Variants in OSBPL11 observed in about 807,000 individuals in gnomAD.
OSBPL11 encodes oxysterol-binding protein-related protein 11.
Under a neutral mutation model 84.4 loss-of-function variants are expected in OSBPL11, and 33 were observed. That is an observed-to-expected ratio of 0.39 (90% CI 0.30 to 0.52). The LOEUF (loss-of-function observed/expected upper bound fraction) is 0.52. Ranked by LOEUF, OSBPL11 falls within the 20% of genes least tolerant of loss-of-function variation. The probability of loss-of-function intolerance (pLI) is 0.72; values close to 1 mark genes in which losing one functional copy is unlikely to be tolerated. For missense variants in OSBPL11, 736 were observed against 901.1 expected, an observed-to-expected ratio of 0.82 and a Z score of 2.35; for synonymous variants, 276 against 310.2, an observed-to-expected ratio of 0.89 and a Z score of 1.16.
intron 5 of OSBPL11, among the ~76,000 whole-genome samples, chr3:125,573,872 CAAA>C (rs35902125): frequency 4.6e-5 from 2 of 43,520 alleles, no homozygotes; most frequent in East Asian, 9.1e-4. Flanking sequence ...AACTCCGTCT[CAAA>C]AAAAAAAAAA....
intron 11 of OSBPL11, among the ~76,000 whole-genome samples, chr3:125,532,821 G>A (rs2107585317): frequency 1.9e-5 from 1 of 51,658 alleles, no homozygotes; most frequent in South Asian, 5.4e-4. Flanking sequence ...GGCAAAATGT[G>A]ATATATCCAT....
At chr3:125,550,353 C>T (rs914810260) in intron 9 of OSBPL11, among the ~76,000 whole-genome samples, 17 of 143,998 alleles carry the variant, frequency 1.2e-4, no homozygotes, top group African/African-American at 2.4e-4. Flanking sequence ...TCAACCTGGG[C>T]GACACAGCTA....
At chr3:125,540,322 C>T (rs1935710145) in intron 10 of OSBPL11, among the ~76,000 whole-genome samples, 1 of 84,324 alleles carries the variant, frequency 1.2e-5, no homozygotes, top group Admixed American at 1.4e-4. Context: ...GAGGATGGCT[C>T]TGTCTCAAAA....
At position 125,528,911 on chromosome 3, in the gene OSBPL11, A is replaced by G. The variant is rs1935515522; in HGVS notation, c.*1604T>C. ...CAATTTTCCCAACACAGGAACTATA[A>G]CTCATTTTGAGGATTTTTTTCAGTG... On this transcript the variant is annotated 3_prime_UTR_variant, in exon 13 of 13. Coordinates refer to ENST00000296220, the MANE Select transcript of OSBPL11 (RefSeq NM_022776.5). The G allele has an allele frequency of 6.6e-6, 1 of 152,644 alleles. No homozygotes were observed. Among genetic ancestry groups the G allele is most frequent in the Non-Finnish European group, 1.5e-5 (1 of 68,042 alleles). The allele number at this position is 152,644 out of a possible 1,614,324, so 9.5% of individuals were successfully genotyped here.
At chr3:125,535,836 T>C (rs201884152) in intron 11 of OSBPL11, among the ~76,000 whole-genome samples, 2 of 151,566 alleles carry the variant, frequency 1.3e-5, no homozygotes, top group Non-Finnish European at 1.5e-5. Flanking sequence ...TTAAAGTATA[T>C]ATAGGAAAAA....
intron 5 of OSBPL11, among the ~76,000 whole-genome samples, chr3:125,573,352 C>G (rs1246913902): frequency 2.0e-5 from 3 of 152,030 alleles, no homozygotes; most frequent in African/African-American, 7.2e-5. Context: ...TGATTTTAAT[C>G]ACTTGTGTTT....
chr3:125,544,795 T>C (rs2107591415), intron 10 of OSBPL11, among the ~76,000 whole-genome samples: 1 of 152,266 alleles, frequency 6.6e-6, no homozygotes, highest in Non-Finnish European at 1.5e-5. Context: ...AAAAAAAAGG[T>C]TTCTTGACCA....
chr3:125,547,835 T>C (rs888529754), intron 9 of OSBPL11, among the ~76,000 whole-genome samples: 1 of 152,190 alleles, frequency 6.6e-6, no homozygotes, highest in Non-Finnish European at 1.5e-5. Context: ...AACCAGTAAA[T>C]GTTACAGTGG....
intron 9 of OSBPL11, among the ~76,000 whole-genome samples, chr3:125,551,081 T>C (rs980413938): frequency 6.6e-6 from 1 of 151,164 alleles, no homozygotes; most frequent in Non-Finnish European, 1.5e-5. Flanking sequence ...GGAGGATGGC[T>C]TGAGCCGAGT....
chr3:125,540,461 T>C (rs1935713256), intron 10 of OSBPL11, among the ~76,000 whole-genome samples: 1 of 150,398 alleles, frequency 6.6e-6, no homozygotes, highest in South Asian at 2.1e-4. Context: ...CCTCAAAGCA[T>C]ACACACTTAA....
At chr3:125,556,208 CAA>C (rs1254107780) in intron 8 of OSBPL11, among the ~76,000 whole-genome samples, 1 of 152,194 alleles carries the variant, frequency 6.6e-6, no homozygotes, top group Non-Finnish European at 1.5e-5. Flanking sequence ...TGATGTGACT[CAA>C]GAGACAGACA....
At chr3:125,532,592 A>AG (rs1318415279) in intron 11 of OSBPL11, among the ~76,000 whole-genome samples, 3 of 151,248 alleles carry the variant, frequency 2.0e-5, no homozygotes, top group Non-Finnish European at 4.4e-5. Context: ...AAAAAAAAAA[A>AG]CAAAAAAAAA....
intron 1 of OSBPL11, among the ~76,000 whole-genome samples, chr3:125,589,342 C>CAAA (rs35267505): frequency 0.14 from 8,941 of 61,712 alleles, 513 homozygotes; most frequent in Non-Finnish European, 0.23. Context: ...AACTCCATCT[C>CAAA]AAAAAAAAAA....
At chr3:125,571,931 C>T (rs985053675) in intron 5 of OSBPL11, among the ~76,000 whole-genome samples, 1 of 152,188 alleles carries the variant, frequency 6.6e-6, no homozygotes, top group African/African-American at 2.4e-5. Flanking sequence ...CGCTGTCCTC[C>T]AAAACTCAGA....
At chr3:125,533,015 C>T (rs1462513064) in intron 11 of OSBPL11, among the ~76,000 whole-genome samples, 1 of 151,574 alleles carries the variant, frequency 6.6e-6, no homozygotes, top group Non-Finnish European at 1.5e-5. Flanking sequence ...GTTAGTGGTT[C>T]TCTGGGCTGG....
intron 7 of OSBPL11, among the ~76,000 whole-genome samples, chr3:125,561,015 C>A (rs948642986): frequency 6.0e-5 from 9 of 150,180 alleles, no homozygotes; most frequent in African/African-American, 2.2e-4. Context: ...CTGCTTTTTT[C>A]TTTTTGAAAC....
At position 125,547,512 on chromosome 3, in the gene OSBPL11, G is replaced by A; in HGVS notation, c.1735C>T (p.Pro579Ser). The change falls in exon 10 of 13, where the codon CCT becomes TCT. Residue 579 changes from proline to serine, a missense_variant. Pro to Ser is a moderately conservative substitution (Grantham distance 74). Around this residue, in one of 3 missense-constraint regions of OSBPL11, gnomAD observed 579 missense variants for 717.6 expected, o/e 0.81. Transcript: ENST00000296220. The part of the protein sequence containing the change: ...CAYARSILTV[P>S]WVELGGKVSV... The stretch of plus-strand genomic sequence containing the variant: ...ACTTTGCCACCCAGTTCTACCCAAG[G>A]AACAGTCAAAATTGACCGAGCATAT... 3 of 1,613,968 alleles carry A rather than the reference G, an allele frequency of 1.9e-6. No individual in the cohort carries two copies. The highest frequency in any genetic ancestry group is 2.5e-6 in the Non-Finnish European group (3 of 1,179,884).
chr3:125,548,747 A>C (rs1935856104), intron 9 of OSBPL11, among the ~76,000 whole-genome samples: 1 of 152,154 alleles, frequency 6.6e-6, no homozygotes, highest in South Asian at 2.1e-4. Context: ...ATGCTCGTTA[A>C]GCACTCAGTT....
intron 10 of OSBPL11, among the ~76,000 whole-genome samples, chr3:125,542,155 C>T (rs1935737882): frequency 1.3e-5 from 2 of 152,160 alleles, no homozygotes; most frequent in Admixed American, 1.3e-4. Context: ...TTACATGCAG[C>T]AGCATGTAAC....
Sources: gnomAD v4.1 joint callset for allele counts (sites outside exome capture counted in the v4.1 genomes callset) on GRCh38, gnomAD v4.1.1 for gene constraint, gnomAD v4.1.1 regional missense constraint, MANE v1.5 for transcripts, NCBI Gene and HGNC (gene_info 2026-07-23, HGNC 2026-07-21) for gene names.